Variants in TRAPPC9 observed in about 807,000 individuals in gnomAD.
The protein encoded by TRAPPC9 is IKK2 binding protein.
Under a neutral mutation model 124.0 loss-of-function variants are expected in TRAPPC9, and 83 were observed. The observed-to-expected ratio is 0.67, with a 90% CI of 0.56 to 0.80. The LOEUF is 0.80. TRAPPC9 is among the 30% of genes least tolerant of loss of function. The probability of loss-of-function intolerance (pLI) is 0.00; values close to 1 mark genes in which losing one functional copy is unlikely to be tolerated. For missense variants in TRAPPC9, 1,302 were observed against 1,508.3 expected (o/e 0.86, Z 2.27); for synonymous variants, 638 against 617.5 (o/e 1.03, Z -0.49).
At chr8:140,072,573 AAGGAGGAGGAGGAGAAGGGAAGG>A (rs1400793382) in intron 17 of TRAPPC9, among the ~76,000 whole-genome samples, 2 of 32,972 alleles carry the variant, frequency 6.1e-5, no homozygotes, top group African/African-American at 2.0e-4. Context: ...AGGAGAAAGG[AAGGAGGAGGAGGAGAAGGGAAGG>A]AGGAGGAGGA....
intron 21 of TRAPPC9, among the ~76,000 whole-genome samples, chr8:139,802,246 C>T (rs1823591162): frequency 1.3e-5 from 2 of 152,156 alleles, no homozygotes. Context: ...CTGATCATGG[C>T]GCAGGAGAGA....
chr8:140,158,258 T>TAAGA (rs1375915364), intron 17 of TRAPPC9, among the ~76,000 whole-genome samples: 4 of 152,224 alleles, frequency 2.6e-5, no homozygotes, highest in African/African-American at 9.7e-5. Flanking sequence ...CAGATGTGGT[T>TAAGA]AAGATGAAGA....
chr8:139,792,597 C>T (rs1184143640), intron 21 of TRAPPC9, among the ~76,000 whole-genome samples: 1 of 152,186 alleles, frequency 6.6e-6, no homozygotes, highest in Non-Finnish European at 1.5e-5. Context: ...GGAGCCAGGG[C>T]CACCAGCCTA....
At chr8:140,358,289 C>T (rs1005467373) in intron 9 of TRAPPC9, among the ~76,000 whole-genome samples, 1 of 152,146 alleles carries the variant, frequency 6.6e-6, no homozygotes, top group African/African-American at 2.4e-5. Context: ...TCTCTGCAAG[C>T]GCCACTCCTG....
chr8:140,102,228 CT>C (rs1414599434), intron 17 of TRAPPC9, among the ~76,000 whole-genome samples: 1 of 152,098 alleles, frequency 6.6e-6, no homozygotes, highest in African/African-American at 2.4e-5. Context: ...AAAATTATTG[CT>C]TCTCTCAAAG....
chr8:140,283,387 T>C (rs1181566868), intron 14 of TRAPPC9, among the ~76,000 whole-genome samples: 1 of 137,684 alleles, frequency 7.3e-6, no homozygotes, highest in Non-Finnish European at 1.5e-5. Flanking sequence ...CTCCGCCTCC[T>C]GGGTTCACGC....
intron 7 of TRAPPC9, among the ~76,000 whole-genome samples, chr8:140,391,712 C>CAA (rs1238939604): frequency 9.7e-4 from 73 of 75,438 alleles, no homozygotes; most frequent in Non-Finnish European, 1.3e-3. Flanking sequence ...AACTCTGTCT[C>CAA]AAAAAAAAAA....
chr8:140,403,330 A>G (rs1229625991), intron 6 of TRAPPC9, among the ~76,000 whole-genome samples: 1 of 152,040 alleles, frequency 6.6e-6, no homozygotes, highest in Non-Finnish European at 1.5e-5. Flanking sequence ...TCAGGAGGCT[A>G]AGACAGGAGA....
chr8:140,258,079 T>C (rs1317157589), intron 15 of TRAPPC9, among the ~76,000 whole-genome samples: 2 of 152,110 alleles, frequency 1.3e-5, no homozygotes, highest in East Asian at 1.9e-4. Flanking sequence ...GAGGCAGAAA[T>C]TAGGCAGAAA....
chr8:139,995,205 C>T (rs1163271884), intron 18 of TRAPPC9, among the ~76,000 whole-genome samples: 2 of 152,214 alleles, frequency 1.3e-5, no homozygotes, highest in African/African-American at 4.8e-5. Context: ...CTGGCCTCAA[C>T]TGAAAGGCAG....
At chr8:140,408,592 G>T (rs1007321472) in intron 5 of TRAPPC9, among the ~76,000 whole-genome samples, 1 of 151,986 alleles carries the variant, frequency 6.6e-6, no homozygotes, top group Admixed American at 6.6e-5. Context: ...CACCAGCCTG[G>T]GTCACTAACA....
intron 21 of TRAPPC9, among the ~76,000 whole-genome samples, chr8:139,764,607 G>T (rs1162745139): frequency 2.6e-5 from 4 of 152,166 alleles, no homozygotes; most frequent in African/African-American, 9.7e-5. Context: ...TCTTACTGTG[G>T]CCTCAGTTCA....
intron 21 of TRAPPC9, among the ~76,000 whole-genome samples, chr8:139,759,295 C>A (rs528057443): frequency 1.3e-5 from 2 of 152,162 alleles, no homozygotes; most frequent in Non-Finnish European, 2.9e-5. Context: ...GAATACCTGC[C>A]GCTCACTGAG....
rs1362513638 is a variant in TRAPPC9, at chr8:140,257,314, G to T, written c.2279-4385C>A. Among the ~76,000 whole-genome samples the T allele has an allele frequency of 1.3e-5, 2 of 152,220 alleles. No homozygotes were observed. The highest frequency in any genetic ancestry group is 2.4e-5 in the African/African-American group (1 of 41,456). On this transcript the variant is annotated intron_variant, in intron 15 of 22. Transcript: ENST00000438773. The surrounding 1 kb of genome is among the most constrained non-coding windows in gnomAD (Gnocchi z 4.6). ...CCTCAGTCCTCTGGCAGCTCAGAAC[G>T]CAGTTGCTGCCTCTTCTCCACGCAG...
At chr8:140,073,631 T>A (rs541488210) in intron 17 of TRAPPC9, among the ~76,000 whole-genome samples, 1 of 152,226 alleles carries the variant, frequency 6.6e-6, no homozygotes, top group Non-Finnish European at 1.5e-5. Context: ...TATCCATCCA[T>A]CCAAACTGTA....
intron 21 of TRAPPC9, among the ~76,000 whole-genome samples, chr8:139,856,862 C>A: frequency 6.6e-6 from 1 of 152,066 alleles, no homozygotes; most frequent in African/African-American, 2.4e-5. Flanking sequence ...CCCATTCATT[C>A]TAATGTTGTC....
chr8:139,880,887 G>A (rs941470385), intron 21 of TRAPPC9, among the ~76,000 whole-genome samples: 10 of 152,196 alleles, frequency 6.6e-5, no homozygotes, highest in African/African-American at 1.2e-4. Flanking sequence ...TGCCGCCAGC[G>A]ACTAAAAGCG....
At chr8:139,938,615 T>C (rs1043671204) in intron 19 of TRAPPC9, among the ~76,000 whole-genome samples, 4 of 151,442 alleles carry the variant, frequency 2.6e-5, no homozygotes, top group African/African-American at 9.7e-5. Flanking sequence ...GTGCAATTCC[T>C]TGAGACACAC....
intron 15 of TRAPPC9, among the ~76,000 whole-genome samples, chr8:140,271,457 C>T (rs1474977318): frequency 6.6e-6 from 1 of 152,014 alleles, no homozygotes; most frequent in African/African-American, 2.4e-5. Context: ...ATGGTCACGC[C>T]ACGCGTCCAA....
Sources: gnomAD v4.1 joint callset for allele counts (sites outside exome capture counted in the v4.1 genomes callset) on GRCh38, gnomAD v4.1.1 for gene constraint, Gnocchi (gnomAD v3.1) non-coding constraint, MANE v1.5 for transcripts, NCBI Gene and HGNC (gene_info 2026-07-23, HGNC 2026-07-21) for gene names.